Variants in RNF217 observed in about 807,000 individuals in gnomAD.
RNF217 encodes E3 ubiquitin-protein ligase RNF217.
A neutral mutation model predicts 57.8 loss-of-function variants in RNF217; 31 were observed. The observed-to-expected ratio is 0.54, with a 90% CI of 0.40 to 0.72. The LOEUF is 0.72. Among genes scored for constraint, RNF217 ranks in the 30% least tolerant of loss-of-function variants. RNF217 has a pLI of 0.00. For missense variants in RNF217, 696 were observed against 708.3 expected (o/e 0.98, Z 0.20); for synonymous variants, 313 against 294.0 (o/e 1.06, Z -0.66).
chr6:125,070,922 T>A (rs1254662961), intron 3 of RNF217, among the ~76,000 whole-genome samples: 2 of 152,212 alleles, frequency 1.3e-5, no homozygotes, highest in African/African-American at 4.8e-5. Flanking sequence ...CCTTCATTTC[T>A]TGGTGAAACT....
At chr6:125,014,701 C>T (rs1369927494) in intron 1 of RNF217, among the ~76,000 whole-genome samples, 1 of 152,216 alleles carries the variant, frequency 6.6e-6, no homozygotes, top group Non-Finnish European at 1.5e-5. Context: ...AGTATGAAAA[C>T]TTCCTTCTCC....
At chr6:125,024,967 A>G (rs908847637) in intron 1 of RNF217, among the ~76,000 whole-genome samples, 1 of 152,140 alleles carries the variant, frequency 6.6e-6, no homozygotes, top group African/African-American at 2.4e-5. Context: ...AAGATTAACC[A>G]ATGAGAACAA....
At chr6:124,967,671 G>A (rs1783596838) in intron 1 of RNF217, among the ~76,000 whole-genome samples, 1 of 152,214 alleles carries the variant, frequency 6.6e-6, no homozygotes, top group Non-Finnish European at 1.5e-5. Context: ...TAAAATGACT[G>A]TCTACTGTAG....
At chr6:124,966,889 C>G (rs1221425428) in intron 1 of RNF217, among the ~76,000 whole-genome samples, 1 of 152,180 alleles carries the variant, frequency 6.6e-6, no homozygotes, top group East Asian at 1.9e-4. Flanking sequence ...CCTCTATGCT[C>G]TGTATAAAAT....
chr6:125,079,804 G>C (rs1479876803), intron 4 of RNF217, among the ~76,000 whole-genome samples: 2 of 152,032 alleles, frequency 1.3e-5, no homozygotes, highest in Non-Finnish European at 2.9e-5. Context: ...AAAAAATTAA[G>C]TATAGGAATA....
chr6:125,042,735 G>C (rs1180662783), intron 1 of RNF217, among the ~76,000 whole-genome samples: 1 of 152,018 alleles, frequency 6.6e-6, no homozygotes, highest in Non-Finnish European at 1.5e-5. Context: ...AGCTGCCTTG[G>C]ATTGCTCTCG....
chr6:125,052,284 T>TTTTG (rs1787347172), intron 2 of RNF217, among the ~76,000 whole-genome samples: 2 of 143,232 alleles, frequency 1.4e-5, no homozygotes, highest in South Asian at 4.5e-4. Flanking sequence ...GTCATGCGTT[T>TTTTG]TGTGTGTGTG....
intron 1 of RNF217, among the ~76,000 whole-genome samples, chr6:125,028,749 G>A (rs1786220979): frequency 6.6e-6 from 1 of 151,926 alleles, no homozygotes; most frequent in Non-Finnish European, 1.5e-5. Flanking sequence ...AATGGTGTAA[G>A]AGCTTTTTAA....
chr6:125,049,440 C>A (rs1238540861), intron 2 of RNF217, among the ~76,000 whole-genome samples: 1 of 151,948 alleles, frequency 6.6e-6, no homozygotes, highest in East Asian at 1.9e-4. Flanking sequence ...TTGAAGGATT[C>A]ATTTAAGAGT....
intron 1 of RNF217, among the ~76,000 whole-genome samples, chr6:125,036,883 T>G (rs1028713999): frequency 3.5e-4 from 52 of 148,328 alleles, no homozygotes; most frequent in African/African-American, 1.2e-3. Context: ...TATTTATTAT[T>G]TATTATATTT....
rs573009662 is a variant in RNF217 at position 125,022,510 on chromosome 6, A to C, written c.883-22701A>C. ...TCTACATCTCTGCCCTTTTTCTTTC[A>C]ATTAGCACATTGAGTGCAACAGCTG... On this transcript the variant is annotated intron_variant, in intron 1 of 5. Transcript: ENST00000521654. Among the ~76,000 whole-genome samples, 30 of 152,264 alleles carry C rather than the reference A, an allele frequency of 2.0e-4. No individual in the cohort carries two copies. The South Asian group carries it at 5.4e-3, about 27-fold the overall frequency.
At chr6:125,034,157 C>G (rs1274936636) in intron 1 of RNF217, among the ~76,000 whole-genome samples, 1 of 152,132 alleles carries the variant, frequency 6.6e-6, no homozygotes, top group East Asian at 1.9e-4. Context: ...CCTATTCATT[C>G]TGATGGTAGT....
intron 1 of RNF217, among the ~76,000 whole-genome samples, chr6:124,999,336 C>T (rs532542082): frequency 1.3e-5 from 2 of 152,368 alleles, no homozygotes; most frequent in Admixed American, 6.5e-5. Flanking sequence ...TAGCTGATTC[C>T]CCAGCAGATC....
intron 4 of RNF217, among the ~76,000 whole-genome samples, chr6:125,079,300 A>G (rs1037355647): frequency 6.6e-6 from 1 of 152,178 alleles, no homozygotes; most frequent in East Asian, 1.9e-4. Context: ...TTAAATTCTC[A>G]TATTACTTCT....
At chr6:124,980,664 G>T (rs1300855758) in intron 1 of RNF217, among the ~76,000 whole-genome samples, 1 of 151,600 alleles carries the variant, frequency 6.6e-6, no homozygotes, top group Non-Finnish European at 1.5e-5. Context: ...TAGCTGTTTT[G>T]ATCGTGCCTG....
chr6:124,962,892 T>G lies in RNF217; in HGVS notation c.348T>G (p.Asp116Glu), dbSNP rs747361151. 11 of 1,597,586 alleles carry G rather than the reference T, an allele frequency of 6.9e-6. No homozygotes were observed. The African/African-American group carries it at 1.5e-4, about 21-fold the overall frequency. Residue 116 changes from aspartate to glutamate, a missense_variant, in exon 1 of 6, where the codon GAT becomes GAG. Transcript: ENST00000521654. The surrounding 1 kb of genome is among the most constrained non-coding windows in gnomAD (Gnocchi z 4.6). ...AGGAGGAAGAGGAGGAAGCTGGGGA[T>G]CGAAAAGAGGGAGGGGATGAACAGC... is the stretch of plus-strand genomic sequence containing the variant. ...ELEEEEEEAGDRKEGGDEQQE... is the reference protein window; with the variant it reads ...ELEEEEEEAGERKEGGDEQQE...
At chr6:125,057,915 A>G in intron 2 of RNF217, 27 bp from the exon 3 acceptor site, 1 of 1,572,270 alleles carries the variant, frequency 6.4e-7, no homozygotes, top group Non-Finnish European at 8.6e-7. Context: ...ATCCACTAGT[A>G]ATTAATATGA....
chr6:124,987,961 A>AT (rs1784418777), intron 1 of RNF217, among the ~76,000 whole-genome samples: 2 of 152,174 alleles, frequency 1.3e-5, no homozygotes, highest in Non-Finnish European at 2.9e-5. Flanking sequence ...AAGCCGTTAG[A>AT]TTAAGTGTCC....
At chr6:124,977,595 A>G (rs973116565) in intron 1 of RNF217, among the ~76,000 whole-genome samples, 2 of 152,206 alleles carry the variant, frequency 1.3e-5, no homozygotes, top group Admixed American at 6.5e-5. Context: ...GCTTATTACA[A>G]TCTAAATGGA....
Sources: allele counts gnomAD v4.1 joint callset (sites outside exome capture counted in the v4.1 genomes callset), GRCh38; gene constraint gnomAD v4.1.1; non-coding constraint Gnocchi (gnomAD v3.1); transcripts MANE v1.5; gene names NCBI Gene and HGNC (gene_info 2026-07-23, HGNC 2026-07-21).